The following CSGALNACT1 variants were observed in gnomAD, a reference collection of about 807,000 sequenced individuals.
The protein encoded by CSGALNACT1 is beta4GalNAcT-1.
In CSGALNACT1, 52 loss-of-function variants were observed where a neutral mutation model predicts 51.0. That is an observed-to-expected ratio of 1.02 (90% CI 0.82 to 1.29). The LOEUF (loss-of-function observed/expected upper bound fraction) is 1.29. CSGALNACT1 is among the 50% of genes most tolerant of loss of function. CSGALNACT1 has a pLI of 0.00. For synonymous variants in CSGALNACT1, 341 were observed against 254.4 expected, an observed-to-expected ratio of 1.34 and a Z score of -3.24; for missense variants, 935 against 679.2, an observed-to-expected ratio of 1.38 and a Z score of -4.19.
chr8:19,601,068 AC>A (rs2050318040), intron 2 of CSGALNACT1, among the ~76,000 whole-genome samples: 1 of 152,170 alleles, frequency 6.6e-6, no homozygotes, highest in South Asian at 2.1e-4. Context: ...ATTTTACAGT[AC>A]TTGTTTTATT....
intron 3 of CSGALNACT1, among the ~76,000 whole-genome samples, chr8:19,580,564 A>C (rs2045341167): frequency 6.6e-6 from 1 of 152,246 alleles, no homozygotes; most frequent in Non-Finnish European, 1.5e-5. Context: ...ACAGAAAAGA[A>C]ATAGATCTTC....
intron 3 of CSGALNACT1, among the ~76,000 whole-genome samples, chr8:19,586,744 T>C (rs1404179758): frequency 6.6e-6 from 1 of 152,120 alleles, no homozygotes; most frequent in African/African-American, 2.4e-5. Flanking sequence ...GGTTGAGAAA[T>C]GTCCAGCTGG....
At chr8:19,581,275 A>G (rs530859250) in intron 3 of CSGALNACT1, among the ~76,000 whole-genome samples, 2 of 152,324 alleles carry the variant, frequency 1.3e-5, no homozygotes, top group Admixed American at 6.5e-5. Context: ...AGCAGGTAAT[A>G]CTGCCAGATA....
chr8:19,448,667 C>T (rs187449191), intron 5 of CSGALNACT1, among the ~76,000 whole-genome samples: 11 of 152,146 alleles, frequency 7.2e-5, no homozygotes, highest in South Asian at 4.2e-4. Context: ...GAGTAGCCAC[C>T]CCGCACATGA....
At chr8:19,748,563 G>C (rs1053700326) in intron 1 of CSGALNACT1, among the ~76,000 whole-genome samples, 1 of 152,102 alleles carries the variant, frequency 6.6e-6, no homozygotes, top group Non-Finnish European at 1.5e-5. Context: ...ATATATTAAG[G>C]ATTTACCATG....
chr8:19,605,532 T>G (rs773609770), upstream of CSGALNACT1, among the ~76,000 whole-genome samples: 9 of 152,204 alleles, frequency 5.9e-5, no homozygotes, highest in Non-Finnish European at 1.2e-4. Context: ...ATGTTCTCCA[T>G]AGCTTGGCAC....
intron 2 of CSGALNACT1, among the ~76,000 whole-genome samples, chr8:19,595,033 C>T (rs1046621683): frequency 2.0e-5 from 3 of 152,158 alleles, no homozygotes; most frequent in Non-Finnish European, 2.9e-5. Context: ...TGTCTGCGGG[C>T]TCCCCATCAA....
At chr8:19,511,480 C>G (rs909581622) in intron 3 of CSGALNACT1, among the ~76,000 whole-genome samples, 19 of 152,216 alleles carry the variant, frequency 1.2e-4, no homozygotes, top group African/African-American at 4.6e-4. Flanking sequence ...GGAAAGGATT[C>G]TTATTCAGAG....
intron 1 of CSGALNACT1, among the ~76,000 whole-genome samples, chr8:19,702,460 T>G (rs927253390): frequency 6.6e-6 from 1 of 152,140 alleles, no homozygotes; most frequent in African/African-American, 2.4e-5. Context: ...TGCAGTGAGC[T>G]ATAATCACAC....
rs551173143 is a variant in CSGALNACT1 at position 19,418,853 on chromosome 8, C to CT, written c.1133-104dup. 612 of 770,054 alleles carry CT rather than the reference C, an allele frequency of 7.9e-4. 1 individual carries two copies. The highest frequency in any genetic ancestry group is 9.7e-4 in the Non-Finnish European group (427 of 441,192). The allele number at this position is 770,054 out of a possible 1,614,324, so 47.7% of individuals were successfully genotyped here. A position where few individuals can be genotyped will look rare whatever the true frequency, so the allele number is the denominator to read the frequency against. ...GAAACACCCCAGATATTTGCACCCA[C>CT]TTTTTTTTTCTTTGAGAGGCAGTCT... On this transcript the variant is annotated intron_variant, in intron 7 of 9. Coordinates refer to ENST00000454498, the Ensembl canonical transcript of CSGALNACT1.
chr8:19,541,579 T>TTTTTTTTTTTTTTTTTTA (rs1588072447), intron 3 of CSGALNACT1, among the ~76,000 whole-genome samples: 3 of 136,530 alleles, frequency 2.2e-5, no homozygotes, highest in Non-Finnish European at 4.8e-5. Flanking sequence ...TTTTTTTTTT[T>TTTTTTTTTTTTTTTTTTA]AGTAGAGACA....
At chr8:19,635,478 T>C (rs1008760252) in intron 1 of CSGALNACT1, among the ~76,000 whole-genome samples, 22 of 152,180 alleles carry the variant, frequency 1.4e-4, no homozygotes, top group Admixed American at 1.4e-3. Context: ...ACATGTGGCA[T>C]CTGTTAGTGT....
intron 4 of CSGALNACT1, among the ~76,000 whole-genome samples, chr8:19,463,564 C>T (rs1469675308): frequency 6.6e-6 from 1 of 152,164 alleles, no homozygotes; most frequent in African/African-American, 2.4e-5. Context: ...GTTTTTCAGC[C>T]AGTAAGCTGA....
rs192705021 is a variant in CSGALNACT1, at chr8:19,739,103, A to G, written c.-297+18747T>C. On this transcript the variant is annotated intron_variant, in intron 1 of 1. Transcript: ENST00000517494. ...AAACAGCATGGTGGTTATGTACAAT[A>G]AAGACCTTATCAAGTTGAAATATAT... Among the ~76,000 whole-genome samples the G allele has an allele frequency of 2.6e-4, 40 of 152,170 alleles. No homozygotes were observed. The East Asian group carries it at 5.4e-3, about 21-fold the overall frequency.
At chr8:19,556,457 G>A (rs756579527) in intron 3 of CSGALNACT1, among the ~76,000 whole-genome samples, 4 of 152,104 alleles carry the variant, frequency 2.6e-5, no homozygotes, top group Non-Finnish European at 2.9e-5. Context: ...ATTTTAAAGG[G>A]GGAAATAATG....
At chr8:19,604,042 T>A (rs1157193132), upstream of CSGALNACT1, among the ~76,000 whole-genome samples, 1 of 152,150 alleles carries the variant, frequency 6.6e-6, no homozygotes, top group Non-Finnish European at 1.5e-5. Flanking sequence ...CTTTTTCCAG[T>A]GAAGGTACTT....
chr8:19,476,908 G>A (rs986103662), intron 4 of CSGALNACT1, among the ~76,000 whole-genome samples: 1 of 152,132 alleles, frequency 6.6e-6, no homozygotes, highest in Non-Finnish European at 1.5e-5. Context: ...TTCCCATGAG[G>A]CCTTCCCATG....
intron 5 of CSGALNACT1, among the ~76,000 whole-genome samples, chr8:19,446,571 C>A (rs542094771): frequency 6.6e-6 from 1 of 152,092 alleles, no homozygotes; most frequent in Non-Finnish European, 1.5e-5. Flanking sequence ...ACCCAGGCAA[C>A]GGTGCCATCT....
intron 4 of CSGALNACT1, among the ~76,000 whole-genome samples, chr8:19,504,727 T>C (rs1173320517): frequency 6.6e-6 from 1 of 152,256 alleles, no homozygotes; most frequent in Non-Finnish European, 1.5e-5. Flanking sequence ...CAACTTTAGC[T>C]ATTTAATTAA....
Sources: gnomAD v4.1 joint callset for allele counts (sites outside exome capture counted in the v4.1 genomes callset) on GRCh38, gnomAD v4.1.1 for gene constraint, MANE v1.5 for transcripts, NCBI Gene and HGNC (gene_info 2026-07-23, HGNC 2026-07-21) for gene names.